The following FYB1 variants were observed in gnomAD, a reference collection of about 807,000 sequenced individuals.
FYB1 encodes the protein FYN-binding protein 1.
A neutral mutation model predicts 94.1 loss-of-function variants in FYB1; 41 were observed. The observed-to-expected ratio is 0.44, with a 90% CI of 0.34 to 0.57. FYB1 has a LOEUF of 0.57. FYB1 is among the 20% of genes least tolerant of loss of function. The pLI is 0.02. For synonymous variants in FYB1, 367 were observed against 353.2 expected (o/e 1.04, Z -0.44); for missense variants, 1,050 against 976.8 (o/e 1.07, Z -1.00).
intron 1 of FYB1, among the ~76,000 whole-genome samples, chr5:39,242,056 A>G (rs1053320345): frequency 6.6e-6 from 1 of 152,148 alleles, no homozygotes; most frequent in African/African-American, 2.4e-5. Flanking sequence ...GAACTGTTAA[A>G]TCACTATTTT....
At chr5:39,198,283 A>C (rs749317616) in intron 2 of FYB1, among the ~76,000 whole-genome samples, 9 of 152,184 alleles carry the variant, frequency 5.9e-5, no homozygotes, top group Non-Finnish European at 1.3e-4. Context: ...AGGTCCACTG[A>C]CTTTGAAGTC....
At chr5:39,173,775 G>C (rs916644591) in intron 2 of FYB1, among the ~76,000 whole-genome samples, 1 of 152,056 alleles carries the variant, frequency 6.6e-6, no homozygotes, top group Non-Finnish European at 1.5e-5. Context: ...TCATTTCTGG[G>C]TTCTTTATTC....
chr5:39,219,901 A>T (rs908607959), upstream of FYB1, among the ~76,000 whole-genome samples: 13 of 152,080 alleles, frequency 8.5e-5, no homozygotes, highest in Admixed American at 7.2e-4. Context: ...CCAAAGGGGG[A>T]TGCTTACAAT....
rs552708341 is a variant in FYB1 at position 39,227,035 on chromosome 5, C to T, written c.-27-24048G>A. Among the ~76,000 whole-genome samples the T allele has an allele frequency of 3.3e-5, 5 of 152,306 alleles. No individual in the cohort carries two copies. In the South Asian group the frequency reaches 1.0e-3, roughly 32 times the overall value. ...CTATATCTGGGTGCAGAGAATAAAA[C>T]TCACAGCATAAATCTGGTCTTCAGA... is the stretch of plus-strand genomic sequence containing the variant. On this transcript the variant is annotated intron_variant, in intron 1 of 1. Transcript: ENST00000510188.
chr5:39,268,879 A>G (rs1752551539), intron 1 of FYB1, among the ~76,000 whole-genome samples: 3 of 151,368 alleles, frequency 2.0e-5, no homozygotes, highest in South Asian at 4.2e-4. Context: ...TACTTTTATT[A>G]TAAGAAAACA....
intron 1 of FYB1, among the ~76,000 whole-genome samples, chr5:39,260,907 A>G (rs990334824): frequency 3.3e-5 from 5 of 152,028 alleles, no homozygotes; most frequent in African/African-American, 1.2e-4. Context: ...ATTAAGTGTA[A>G]ATGACAGTGA....
rs542706148 is a variant in FYB1 at position 39,135,080 on chromosome 5, A to G, written c.1516-66T>C. 19 of 1,539,398 alleles carry G rather than the reference A, an allele frequency of 1.2e-5. No homozygotes were observed. The South Asian group carries it at 2.0e-4, about 16-fold the overall frequency. ...ATTTAGAAAATCTTTAAGGAATGCA[A>G]TTTTGAAAGATATAAGTCTACAACT... is the stretch of plus-strand genomic sequence containing the variant. On this transcript the variant is annotated intron_variant, in intron 7 of 18. Transcript: ENST00000512982.
chr5:39,199,769 T>C (rs1186574707), intron 2 of FYB1, among the ~76,000 whole-genome samples: 1 of 152,186 alleles, frequency 6.6e-6, no homozygotes, highest in Non-Finnish European at 1.5e-5. Flanking sequence ...ACCCAGAAAG[T>C]GGCAGACAAG....
At chr5:39,169,157 G>T in intron 2 of FYB1, 1 of 750,960 alleles carries the variant, frequency 1.3e-6, no homozygotes, top group South Asian at 1.4e-5. Context: ...CCTTCTTGCA[G>T]ATCCCAAGTT....
chr5:39,125,284 T>C (rs1740539460), intron 12 of FYB1, among the ~76,000 whole-genome samples: 1 of 152,098 alleles, frequency 6.6e-6, no homozygotes, highest in Admixed American at 6.6e-5. Context: ...ATGAGCTAAA[T>C]ATAAAACAGA....
chr5:39,246,837 C>T (rs1751496725), intron 1 of FYB1, among the ~76,000 whole-genome samples: 1 of 152,026 alleles, frequency 6.6e-6, no homozygotes, highest in African/African-American at 2.4e-5. Context: ...GAAACAGCAT[C>T]ATCTACTCAA....
intron 2 of FYB1, among the ~76,000 whole-genome samples, chr5:39,160,425 T>C (rs1223357509): frequency 6.6e-6 from 1 of 152,214 alleles, no homozygotes; most frequent in Non-Finnish European, 1.5e-5. Context: ...AATCTTAGAA[T>C]AGTCTAAGAA....
rs115178005 is a variant in FYB1, at chr5:39,181,642, C to T, written c.1135+20184G>A. Among the ~76,000 whole-genome samples, 775 of 152,266 alleles carry T rather than the reference C, an allele frequency of 5.1e-3. 7 individuals are homozygous for T. The highest frequency in any genetic ancestry group is 0.018 in the African/African-American group (751 of 41,536). On this transcript the variant is annotated intron_variant, in intron 2 of 18. Coordinates refer to ENST00000512982, the MANE Select transcript of FYB1 (RefSeq NM_001465.6). ...AATTGAACATGTTCAAAATAAAAAT[C>T]ATGGTCCTCCCCTGAATCCTGGTCA... is the stretch of plus-strand genomic sequence containing the variant.
rs368893259 is a variant in FYB1 at position 39,231,162 on chromosome 5, C to CA, written c.-27-28176dup. On this transcript the variant is annotated intron_variant, in intron 1 of 1. Coordinates refer to the FYB1 transcript ENST00000510188. Reference sequence around the variant, plus strand: ...CAGCTCAGAGCAAAAAAAAAAAAAACAAAAAAAAACAAAAAAAACAAAACA... The same window carrying CA: ...CAGCTCAGAGCAAAAAAAAAAAAAACAAAAAAAAAACAAAAAAAACAAAACA... Among the ~76,000 whole-genome samples, 44 of 134,594 alleles carry CA rather than the reference C, an allele frequency of 3.3e-4. 2 individuals carry two copies. The highest frequency in any genetic ancestry group is 1.2e-3 in the African/African-American group (40 of 33,814). The allele number at this position is 134,594 out of a possible 152,430, so 88.3% of individuals were successfully genotyped here. A position where few individuals can be genotyped will look rare whatever the true frequency, so the allele number is the denominator to read the frequency against.
chr5:39,187,422 A>G (rs1746929503), intron 2 of FYB1, among the ~76,000 whole-genome samples: 1 of 152,246 alleles, frequency 6.6e-6, no homozygotes, highest in Non-Finnish European at 1.5e-5. Context: ...TAAGTACCGT[A>G]TAAGCCTATT....
At chr5:39,158,481 G>A (rs1483539175) in intron 2 of FYB1, among the ~76,000 whole-genome samples, 1 of 152,204 alleles carries the variant, frequency 6.6e-6, no homozygotes, top group Non-Finnish European at 1.5e-5. Context: ...AATGGAAGAT[G>A]GAGCAGGGAC....
At chr5:39,134,055 C>T (rs999873193) in intron 9 of FYB1, among the ~76,000 whole-genome samples, 153 bp downstream of exon 9, 1 of 152,130 alleles carries the variant, frequency 6.6e-6, no homozygotes, top group Admixed American at 6.5e-5. Flanking sequence ...TTCAAACGAC[C>T]TTTCACCCAT....
rs201022324 is a variant in FYB1, at chr5:39,168,257, A to G, written c.1136-14653T>C. 3.9e-5 allele frequency among the ~76,000 whole-genome samples: 6 copies of G among 152,334 alleles called. No individual in the cohort carries two copies. In the East Asian group the frequency reaches 9.6e-4, roughly 24 times the overall value. On this transcript the variant is annotated intron_variant, in intron 2 of 18. Coordinates refer to ENST00000512982, the MANE Select transcript of FYB1 (RefSeq NM_001465.6). Reference sequence around the variant, plus strand: ...GCATTGCTATATTATCATGTCATGTATTATAACTCAGTTTTCCCACTACAT... The same window carrying G: ...GCATTGCTATATTATCATGTCATGTGTTATAACTCAGTTTTCCCACTACAT...
At chr5:39,159,415 T>C (rs772085963) in intron 2 of FYB1, among the ~76,000 whole-genome samples, 28 of 152,212 alleles carry the variant, frequency 1.8e-4, no homozygotes, top group Admixed American at 3.3e-4. Flanking sequence ...GGACACTTAA[T>C]GGAATCTCTT....
Sources: allele counts gnomAD v4.1 joint callset (sites outside exome capture counted in the v4.1 genomes callset), GRCh38; gene constraint gnomAD v4.1.1; transcripts MANE v1.5; gene names NCBI Gene and HGNC (gene_info 2026-07-23, HGNC 2026-07-21).